Variants in DNAJC10 observed in about 807,000 individuals in gnomAD.
DNAJC10 encodes the protein DnaJ heat shock protein family (Hsp40) member C10, also known as endoplasmic reticulum disulfide reductase DNAJC10.
In DNAJC10, 101 loss-of-function variants were observed where a neutral mutation model predicts 115.0. The ratio of observed to expected loss-of-function variants is 0.88; its 90% confidence interval spans 0.75 to 1.04. DNAJC10 has a LOEUF of 1.04. Ranked by LOEUF, DNAJC10 falls within the 50% of genes least tolerant of loss-of-function variation. The pLI is 0.00. For missense variants in DNAJC10, 981 were observed against 928.8 expected (o/e 1.06, Z -0.73); for synonymous variants, 307 against 301.5 (o/e 1.02, Z -0.19).
At chr2:182,733,358 TTCTTATTTCACCCTATGCCTAGGCC>T (rs1693499474) in intron 10 of DNAJC10, among the ~76,000 whole-genome samples, 1 of 151,928 alleles carries the variant, frequency 6.6e-6, no homozygotes, top group East Asian at 1.9e-4. Flanking sequence ...TTCATTCCCT[TTCTTATTTCACCCTATGCCTAGGCC>T]TTTAGTTTTT....
rs1693701754 is a variant in DNAJC10, at chr2:182,740,351, T to C, written c.1040T>C (p.Leu347Pro). 1.3e-6 allele frequency: 2 copies of C among 1,567,762 alleles called. No homozygotes were observed. Among genetic ancestry groups the C allele is most frequent in the Non-Finnish European group, 1.7e-6 (2 of 1,159,408 alleles). The change falls in exon 12 of 24, where the codon CTT (leucine) becomes CCT (proline). Residue 347 changes from leucine to proline, a missense_variant. Transcript: ENST00000264065. The part of the protein sequence containing the change: ...KEIYLEVIHN[L>P]PDFELLSANT... ...ATATATTTGGAAGTAATACATAATC[T>C]TCCAGATTTTGAACTACTTTCGGCA...
rs754550337 is a variant in DNAJC10 at position 182,777,108 on chromosome 2, A to G, written c.2371-13A>G. Reference sequence around the variant, plus strand: ...TTTCTCCTTTCTCTATCGCCTTTACATTATTATTATAGGATGAACTTTGAT... The same window carrying G: ...TTTCTCCTTTCTCTATCGCCTTTACGTTATTATTATAGGATGAACTTTGAT... On this transcript the variant is annotated splice_polypyrimidine_tract_variant and intron_variant, in intron 23 of 23. Transcript: ENST00000264065. The G allele has an allele frequency of 1.4e-6, 2 of 1,399,404 alleles. No homozygotes were observed. Among genetic ancestry groups the G allele is most frequent in the Non-Finnish European group, 9.6e-7 (1 of 1,042,168 alleles). 86.7% of individuals were successfully genotyped at this position (1,399,404 alleles called of 1,614,324 possible). A position where few individuals can be genotyped will look rare whatever the true frequency, so the allele number is the denominator to read the frequency against.
rs752950825 is a variant in DNAJC10, at chr2:182,758,830, C to T, written c.1944-7C>T. On this transcript the variant is annotated splice_polypyrimidine_tract_variant and splice_region_variant and intron_variant, in intron 19 of 23. Coordinates refer to ENST00000264065, the MANE Select transcript of DNAJC10 (RefSeq NM_018981.4). ...CTATTTACAACTAACATTTTTTCTT[C>T]TCTCAGCAGTTACAATGGTTGGAAT... is the stretch of plus-strand genomic sequence containing the variant. The T allele has an allele frequency of 1.2e-6, 2 of 1,601,054 alleles. No homozygotes were observed. Among genetic ancestry groups the T allele is most frequent in the East Asian group, 2.2e-5 (1 of 44,704 alleles).
chr2:182,741,128 A>T (rs915410454), intron 12 of DNAJC10, 115 bp from the exon 13 acceptor site: 1 of 654,418 alleles, frequency 1.5e-6, no homozygotes, highest in African/African-American at 1.9e-5. Context: ...AATTTTAGAC[A>T]GTATTTTGAA....
chr2:182,730,973 C>G (rs1359397627), intron 8 of DNAJC10, 57 bp from the exon 9 acceptor site: 80 of 1,165,802 alleles, frequency 6.9e-5, no homozygotes, highest in South Asian at 2.4e-4. Context: ...AAGACTGTTT[C>G]CATTAGTAAA....
intron 11 of DNAJC10, among the ~76,000 whole-genome samples, chr2:182,738,031 T>C (rs1408833400): frequency 6.6e-6 from 1 of 152,212 alleles, no homozygotes; most frequent in African/African-American, 2.4e-5. Flanking sequence ...ATTTAAAAAA[T>C]GTACATTTTA....
In DNAJC10 at chr2:182,787,071, C is replaced by T. The variant is rs1380704953; in HGVS notation, c.*9939C>T. 6.6e-6 allele frequency: 1 copy of T among 152,362 alleles called. No homozygotes were observed. The highest frequency in any genetic ancestry group is 1.5e-5 in the Non-Finnish European group (1 of 68,228). The allele number at this position is 152,362 out of a possible 1,614,324, so 9.4% of individuals were successfully genotyped here. A position where few individuals can be genotyped will look rare whatever the true frequency, so the allele number is the denominator to read the frequency against. On this transcript the variant is annotated 3_prime_UTR_variant, in exon 24 of 24. Coordinates refer to ENST00000264065, the MANE Select transcript of DNAJC10 (RefSeq NM_018981.4). Reference sequence around the variant, plus strand: ...ATAGTGGACTTCCCAGCCTCCAGAACTATGAGAAATAAATGTGTTTTTTTA... The same window carrying T: ...ATAGTGGACTTCCCAGCCTCCAGAATTATGAGAAATAAATGTGTTTTTTTA...
Position 182,791,644 on chromosome 2 carries a change from A to G in DNAJC10, c.*14512A>G, listed in dbSNP as rs1377886188. On this transcript the variant is annotated 3_prime_UTR_variant, in exon 24 of 24. Transcript: ENST00000264065. ...CAAGTGAAACCTGGCTCCAACAATGACTACTTTATTCTACCTCTCATTTAT... is the reference window on the plus strand; with the variant it reads ...CAAGTGAAACCTGGCTCCAACAATGGCTACTTTATTCTACCTCTCATTTAT... The G allele has an allele frequency of 2.0e-5, 3 of 152,156 alleles. No homozygotes were observed. The highest frequency in any genetic ancestry group is 7.2e-5 in the African/African-American group (3 of 41,442). The allele number at this position is 152,156 out of a possible 1,614,324, so 9.4% of individuals were successfully genotyped here. A position where few individuals can be genotyped will look rare whatever the true frequency, so the allele number is the denominator to read the frequency against.
intron 13 of DNAJC10, among the ~76,000 whole-genome samples, chr2:182,742,506 A>G (rs1189785148): frequency 6.6e-6 from 1 of 152,040 alleles, no homozygotes; most frequent in Non-Finnish European, 1.5e-5. Context: ...GAAATTTTCA[A>G]CTCAAGGTTA....
Position 182,784,411 on chromosome 2 carries a change from T to C in DNAJC10, c.*7279T>C, listed in dbSNP as rs1194165217. The C allele has an allele frequency of 2.6e-5, 4 of 152,288 alleles. No homozygotes were observed. Among genetic ancestry groups the C allele is most frequent in the Admixed American group, 1.3e-4 (2 of 15,290 alleles). The allele number at this position is 152,288 out of a possible 1,614,324, so 9.4% of individuals were successfully genotyped here. On this transcript the variant is annotated 3_prime_UTR_variant, in exon 24 of 24. Transcript: ENST00000264065. ...CCCCACACAAACACACACAGCCATA[T>C]TGTCATCTCTGAAGACAGCAGCCAC...
At chr2:182,729,967 G>A in intron 8 of DNAJC10, 26 bp downstream of exon 8, 10 of 1,446,474 alleles carry the variant, frequency 6.9e-6, no homozygotes, top group Non-Finnish European at 9.6e-6. Context: ...TAATTTGCTT[G>A]ATTTTCAGGG....
At chr2:182,746,553 T>C (rs1693872011) in intron 14 of DNAJC10, among the ~76,000 whole-genome samples, 1 of 152,224 alleles carries the variant, frequency 6.6e-6, no homozygotes, top group Non-Finnish European at 1.5e-5. Flanking sequence ...TGTCTGTTCA[T>C]GTCCTTCGCC....
In DNAJC10 at chr2:182,720,186, T is replaced by C. The variant is rs1344277957; in HGVS notation, c.367+17T>C. 1 of 1,589,982 alleles carries C rather than the reference T, an allele frequency of 6.3e-7. No individual in the cohort carries two copies. Among genetic ancestry groups the C allele is most frequent in the Admixed American group, 1.8e-5 (1 of 54,930 alleles). ...ATGATTTTGGTAAGGTGATACGATA[T>C]TACTTATGAAATGTGTTTTATCTGA... is the stretch of plus-strand genomic sequence containing the variant. On this transcript the variant is annotated intron_variant, in intron 4 of 23. Transcript: ENST00000264065.
intron 8 of DNAJC10, 65 bp downstream of exon 8, chr2:182,730,006 T>C: frequency 9.4e-7 from 1 of 1,068,916 alleles, no homozygotes; most frequent in Non-Finnish European, 1.4e-6. Context: ...TTGTTTTTAA[T>C]GGCAATATTA....
chr2:182,754,958 G>A (rs1186739230), intron 16 of DNAJC10, 45 bp from the exon 17 acceptor site: 1 of 1,403,534 alleles, frequency 7.1e-7, no homozygotes, highest in African/African-American at 1.4e-5. Flanking sequence ...GTAACAAATA[G>A]GTGAAATCTA....
chr2:182,732,482 G>T lies in DNAJC10; in HGVS notation c.806-17G>T. On this transcript the variant is annotated splice_polypyrimidine_tract_variant and intron_variant, in intron 9 of 23. Transcript: ENST00000264065. ...TAATAAAGGTAAAACTGCCTCATAA[G>T]GTTTTTTTGTCCCCAGATTGTTTGA... The T allele has an allele frequency of 6.2e-7, 1 of 1,613,282 alleles. No individual in the cohort carries two copies. The highest frequency in any genetic ancestry group is 1.3e-5 in the African/African-American group (1 of 74,980).
intron 14 of DNAJC10, among the ~76,000 whole-genome samples, chr2:182,746,456 A>G (rs77548110): frequency 0.99 from 151,102 of 152,294 alleles, 74,965 homozygotes; most frequent in Middle Eastern, 1. Context: ...TCTCATTGTC[A>G]TTTTGATTTG....
intron 8 of DNAJC10, chr2:182,730,664 G>GT: frequency 2.6e-6 from 1 of 381,976 alleles, no homozygotes; most frequent in South Asian, 2.1e-5. Flanking sequence ...AGATCACTGT[G>GT]TATTTGGGGA....
At chr2:182,740,081 G>T (rs1693692947) in intron 11 of DNAJC10, 3 of 1,045,706 alleles carry the variant, frequency 2.9e-6, no homozygotes, top group East Asian at 6.2e-5. Context: ...GGAATTTATT[G>T]TATATCACTA....
Sources: allele counts gnomAD v4.1 joint callset (sites outside exome capture counted in the v4.1 genomes callset), GRCh38; gene constraint gnomAD v4.1.1; transcripts MANE v1.5; gene names NCBI Gene and HGNC (gene_info 2026-07-23, HGNC 2026-07-21).